The following CNTN1 variants were observed in gnomAD, a reference collection of about 807,000 sequenced individuals.
The protein encoded by CNTN1 is contactin 1.
A neutral mutation model predicts 126.4 loss-of-function variants in CNTN1; 38 were observed. The observed-to-expected ratio is 0.30, with a 90% CI of 0.23 to 0.39. CNTN1 has a LOEUF of 0.39. CNTN1 is among the 10% of genes least tolerant of loss of function. The pLI is 1.00. For missense variants in CNTN1, 1,009 were observed against 1,248.4 expected, an observed-to-expected ratio of 0.81 and a Z score of 2.89; for synonymous variants, 413 against 422.6, an observed-to-expected ratio of 0.98 and a Z score of 0.28.
chr12:40,898,816 T>A (rs1432034114), intron 1 of CNTN1, among the ~76,000 whole-genome samples: 2 of 152,238 alleles, frequency 1.3e-5, no homozygotes, highest in African/African-American at 4.8e-5. Context: ...AGAAGTTTTG[T>A]GTACCTTTAG....
intron 1 of CNTN1, among the ~76,000 whole-genome samples, chr12:40,703,432 A>G (rs1941651255): frequency 6.6e-6 from 1 of 152,212 alleles, no homozygotes; most frequent in South Asian, 2.1e-4. Context: ...ATTTAAATCT[A>G]TATTCTGGCA....
intron 1 of CNTN1, among the ~76,000 whole-genome samples, chr12:40,853,188 C>A (rs1306593750): frequency 6.6e-6 from 1 of 151,864 alleles, no homozygotes; most frequent in Non-Finnish European, 1.5e-5. Context: ...ATGACAGGAC[C>A]TGAGCAGAGT....
chr12:40,848,667 CA>C (rs1942604762), intron 1 of CNTN1, among the ~76,000 whole-genome samples: 1 of 151,916 alleles, frequency 6.6e-6, no homozygotes, highest in Non-Finnish European at 1.5e-5. Flanking sequence ...GATTTTTTTT[CA>C]AGTCCTTTCA....
intron 23 of CNTN1, among the ~76,000 whole-genome samples, chr12:41,044,339 A>G (rs994900769): frequency 2.0e-5 from 3 of 151,920 alleles, no homozygotes; most frequent in Non-Finnish European, 4.4e-5. Flanking sequence ...GATTATGTCA[A>G]TAAGTTGAGT....
At chr12:40,906,006 T>A (rs1944796039) in intron 1 of CNTN1, among the ~76,000 whole-genome samples, 1 of 152,254 alleles carries the variant, frequency 6.6e-6, no homozygotes, top group South Asian at 2.1e-4. Flanking sequence ...CCGGGTGCAA[T>A]GGCTCACGCC....
intron 1 of CNTN1, among the ~76,000 whole-genome samples, chr12:40,844,001 G>A (rs1223091928): frequency 1.3e-5 from 2 of 150,668 alleles, no homozygotes; most frequent in Non-Finnish European, 3.0e-5. Flanking sequence ...GCAGGAGTGC[G>A]TGAATGCCAA....
At chr12:41,014,483 G>A (rs1237263741) in intron 18 of CNTN1, among the ~76,000 whole-genome samples, 185 bp downstream of exon 18, 3 of 152,118 alleles carry the variant, frequency 2.0e-5, no homozygotes, top group Non-Finnish European at 4.4e-5. Flanking sequence ...TTAGTGTGTA[G>A]CTCCTATGCA....
chr12:40,883,123 A>C (rs1943922016), intron 1 of CNTN1, among the ~76,000 whole-genome samples: 1 of 151,656 alleles, frequency 6.6e-6, no homozygotes, highest in Non-Finnish European at 1.5e-5. Flanking sequence ...GCCTGACTCC[A>C]AACAGAATAA....
intron 18 of CNTN1, among the ~76,000 whole-genome samples, chr12:41,015,219 C>T (rs1592406887): frequency 6.6e-6 from 1 of 151,948 alleles, no homozygotes; most frequent in South Asian, 2.1e-4. Context: ...TAATCTGAAT[C>T]GTAAAATATT....
chr12:40,944,281 C>A, intron 14 of CNTN1, 111 bp downstream of exon 14: 2 of 1,054,966 alleles, frequency 1.9e-6, no homozygotes, highest in Non-Finnish European at 2.8e-6. Flanking sequence ...TTCATGAGAC[C>A]AAAAAGCAGG....
intron 23 of CNTN1, among the ~76,000 whole-genome samples, chr12:41,033,528 T>G (rs1009008210): frequency 1.3e-5 from 2 of 152,178 alleles, no homozygotes; most frequent in African/African-American, 4.8e-5. Context: ...AAATAGACTA[T>G]AGATAGCTGA....
At chr12:40,890,655 T>C (rs938124932) in intron 1 of CNTN1, among the ~76,000 whole-genome samples, 2 of 152,200 alleles carry the variant, frequency 1.3e-5, no homozygotes, top group African/African-American at 2.4e-5. Context: ...CATTTAAGTT[T>C]CCTTAATATA....
chr12:40,696,653 T>C (rs1941459171), intron 1 of CNTN1, among the ~76,000 whole-genome samples: 1 of 152,220 alleles, frequency 6.6e-6, no homozygotes, highest in Non-Finnish European at 1.5e-5. Flanking sequence ...TTGTGTGACC[T>C]TGGAAATGTA....
intron 1 of CNTN1, among the ~76,000 whole-genome samples, chr12:40,903,539 G>A (rs1944692251): frequency 6.6e-6 from 1 of 152,100 alleles, no homozygotes; most frequent in Non-Finnish European, 1.5e-5. Flanking sequence ...GATGGGCTCA[G>A]CTTGCTGCCT....
intron 1 of CNTN1, among the ~76,000 whole-genome samples, chr12:40,795,324 T>A (rs1940386076): frequency 7.5e-6 from 1 of 133,996 alleles, no homozygotes; most frequent in African/African-American, 2.9e-5. Flanking sequence ...CACACATTTT[T>A]TTTTTTTTTT....
chr12:41,032,840 G>C (rs1240974758), intron 23 of CNTN1, among the ~76,000 whole-genome samples: 1 of 152,166 alleles, frequency 6.6e-6, no homozygotes, highest in Non-Finnish European at 1.5e-5. Context: ...ATGGGAGCAA[G>C]CTCTTGTTTG....
chr12:40,844,068 G>GTTTTTTTTTTTTTTTTTTTTTT lies in CNTN1; in HGVS notation c.-76-64289_-76-64288insTTTTTTTTTTTTTTTTTTTTTT, dbSNP rs1424373022. ...TATTGAAAAAATTCTTTGGCACAAT[G>GTTTTTTTTTTTTTTTTTTTTTT]ATTTTTTTTTTTTTTTTGAGACGGA... is the stretch of plus-strand genomic sequence containing the variant. On this transcript the variant is annotated intron_variant, in intron 1 of 23. Coordinates refer to ENST00000551295, the MANE Select transcript of CNTN1 (RefSeq NM_001843.4). Among the ~76,000 whole-genome samples, 12 of 40,234 alleles carry GTTTTTTTTTTTTTTTTTTTTTT rather than the reference G, an allele frequency of 3.0e-4. No homozygotes were observed. In the South Asian group the frequency reaches 3.7e-3, roughly 12 times the overall value. 26.4% of individuals were successfully genotyped at this position (40,234 alleles called of 152,430 possible). A position where few individuals can be genotyped will look rare whatever the true frequency, so the allele number is the denominator to read the frequency against.
intron 1 of CNTN1, among the ~76,000 whole-genome samples, chr12:40,821,389 C>A (rs1355961776): frequency 6.6e-6 from 1 of 151,938 alleles, no homozygotes; most frequent in Non-Finnish European, 1.5e-5. Flanking sequence ...AGAAAAACTG[C>A]CTATTTTAAA....
intron 16 of CNTN1, among the ~76,000 whole-genome samples, chr12:40,981,705 C>T (rs569491779): frequency 6.6e-6 from 1 of 152,152 alleles, no homozygotes; most frequent in East Asian, 1.9e-4. Flanking sequence ...GACTAGCCTA[C>T]AATATCACAC....
Sources: gnomAD v4.1 joint callset for allele counts (sites outside exome capture counted in the v4.1 genomes callset) on GRCh38, gnomAD v4.1.1 for gene constraint, MANE v1.5 for transcripts, NCBI Gene and HGNC (gene_info 2026-07-23, HGNC 2026-07-21) for gene names.